Variants in COLEC12 observed in about 807,000 individuals in gnomAD.
The protein encoded by COLEC12 is collectin subfamily member 12, also known as collectin-12.
COLEC12 carries 33 observed loss-of-function variants against 71.1 expected under a neutral mutation model. The ratio of observed to expected loss-of-function variants is 0.46; its 90% CI spans 0.35 to 0.62. The LOEUF (loss-of-function observed/expected upper bound fraction) is 0.62, where lower values mean the gene tolerates loss of function less well. COLEC12 is among the 20% of genes least tolerant of loss of function. The pLI, the probability that COLEC12 is intolerant of heterozygous loss-of-function variation, is 0.00. For missense variants in COLEC12, 765 were observed against 916.1 expected (o/e 0.84, Z 2.13); for synonymous variants, 350 against 353.0 (o/e 0.99, Z 0.10).
intron 2 of COLEC12, among the ~76,000 whole-genome samples, chr18:435,538 A>G (rs1375032919): frequency 6.6e-6 from 1 of 152,212 alleles, no homozygotes; most frequent in Non-Finnish European, 1.5e-5. Flanking sequence ...TGGGGATTAT[A>G]ATTCAAGATG....
intron 2 of COLEC12, among the ~76,000 whole-genome samples, chr18:426,664 T>C (rs28738732): frequency 0.19 from 28,421 of 152,206 alleles, 2,930 homozygotes; most frequent in Middle Eastern, 0.24. Context: ...TCATTTGATA[T>C]AGGTATGAGT....
intron 1 of COLEC12, among the ~76,000 whole-genome samples, chr18:484,464 A>C (rs1023471845): frequency 6.6e-5 from 10 of 152,114 alleles, no homozygotes; most frequent in Admixed American, 4.6e-4. Flanking sequence ...ATCTCATCCA[A>C]CTCTAAAATT....
intron 2 of COLEC12, among the ~76,000 whole-genome samples, chr18:413,588 C>T (rs565303610): frequency 6.6e-6 from 1 of 152,266 alleles, no homozygotes; most frequent in Non-Finnish European, 1.5e-5. Flanking sequence ...CTTTCGGAGG[C>T]CAAGGCAGGA....
intron 2 of COLEC12, among the ~76,000 whole-genome samples, chr18:375,590 T>C (rs896293673): frequency 3.3e-5 from 5 of 152,240 alleles, no homozygotes; most frequent in Non-Finnish European, 5.9e-5. Context: ...CTCAAACTCC[T>C]GGGCTCAAGC....
chr18:335,118 A>G lies in COLEC12; in HGVS notation c.1440T>C (p.Pro480=). 1 of 1,612,516 alleles carries G rather than the reference A, an allele frequency of 6.2e-7. No individual in the cohort carries two copies. The stretch of plus-strand genomic sequence containing the variant: ...GTCCAATTGGGCCTCTCTCACCCGC[A>G]GGGCCAGGTGGTCCAGGCTCCCCCT... ...GEKGEPGPPG[P]AGERGPIGPA... Residue 480 remains proline, a synonymous_variant, in exon 6 of 10, where the codon CCT becomes CCC. Transcript: ENST00000400256.
At position 437,710 on chromosome 18, in the gene COLEC12, T is replaced by C. The variant is rs536657427; in HGVS notation, c.58+42997A>G. On this transcript the variant is annotated intron_variant, in intron 2 of 9. Coordinates refer to ENST00000400256, the MANE Select transcript of COLEC12 (RefSeq NM_130386.3). ...ATGGTGATACTTCACATGACAATAT[T>C]TGAGTTAAATGAAAAGTCTTTGGAG... Among the ~76,000 whole-genome samples the C allele has an allele frequency of 5.3e-5, 8 of 152,342 alleles. No individual in the cohort carries two copies. In the South Asian group the frequency reaches 1.7e-3, roughly 32 times the overall value.
At chr18:320,769 A>G (rs1233987315) in intron 9 of COLEC12, among the ~76,000 whole-genome samples, 1 of 151,584 alleles carries the variant, frequency 6.6e-6, no homozygotes, top group East Asian at 1.9e-4. Flanking sequence ...TCTGTCCCCT[A>G]TCACAAACTT....
intron 2 of COLEC12, among the ~76,000 whole-genome samples, chr18:424,935 TG>T (rs1485961887): frequency 6.6e-6 from 1 of 152,052 alleles, no homozygotes; most frequent in African/African-American, 2.4e-5. Context: ...GGTCACCTCA[TG>T]GGTGTGGGGG....
At position 409,521 on chromosome 18, in the gene COLEC12, G is replaced by A. The variant is rs143871124; in HGVS notation, c.59-51999C>T. On this transcript the variant is annotated intron_variant, in intron 2 of 9. Transcript: ENST00000400256. The stretch of plus-strand genomic sequence containing the variant: ...GCCTGGGCGACAAGAGCAAAGCTCT[G>A]TCTCAAAAAAATAAAAGAAATGTCT... 2.4e-3 allele frequency among the ~76,000 whole-genome samples: 363 copies of A among 152,214 alleles called. 3 individuals are homozygous for A. The highest frequency in any genetic ancestry group is 8.1e-3 in the African/African-American group (337 of 41,554).
intron 2 of COLEC12, among the ~76,000 whole-genome samples, chr18:391,542 A>G (rs1473775552): frequency 6.6e-6 from 1 of 152,138 alleles, no homozygotes; most frequent in Non-Finnish European, 1.5e-5. Flanking sequence ...CTGAGCACCT[A>G]TGGCTCTCTG....
At chr18:366,593 T>C (rs1914860935) in intron 2 of COLEC12, among the ~76,000 whole-genome samples, 1 of 152,228 alleles carries the variant, frequency 6.6e-6, no homozygotes, top group Non-Finnish European at 1.5e-5. Flanking sequence ...TTCTGCTGTG[T>C]TGCGTTTGCA....
rs138536256 is a variant in COLEC12, at chr18:365,497, A to G, written c.59-7975T>C. Among the ~76,000 whole-genome samples, 116 of 152,272 alleles carry G rather than the reference A, an allele frequency of 7.6e-4. 1 individual carries two copies. Among genetic ancestry groups the G allele is most frequent in the African/African-American group, 2.7e-3 (111 of 41,556 alleles). On this transcript the variant is annotated intron_variant, in intron 2 of 9. Transcript: ENST00000400256. ...TTGGTCACCCCATGGTTTTCTTTTG[A>G]AGTTCTAGTATGCTTGAAATGAACC...
At chr18:328,512 A>G (rs1913897210) in intron 8 of COLEC12, among the ~76,000 whole-genome samples, 1 of 152,236 alleles carries the variant, frequency 6.6e-6, no homozygotes, top group South Asian at 2.1e-4. Context: ...TGTAGTATTT[A>G]TCTGCAACTG....
At chr18:340,984 A>G (rs997855230) in intron 5 of COLEC12, among the ~76,000 whole-genome samples, 3 of 152,166 alleles carry the variant, frequency 2.0e-5, no homozygotes, top group African/African-American at 7.2e-5. Context: ...CAGGATCTCC[A>G]GTCATGCCGT....
intron 2 of COLEC12, among the ~76,000 whole-genome samples, chr18:381,790 C>G (rs1598345660): frequency 6.6e-6 from 1 of 152,138 alleles, no homozygotes; most frequent in South Asian, 2.1e-4. Flanking sequence ...AAATTCTGTG[C>G]AGTAGATAAA....
In COLEC12 at chr18:500,697, C is replaced by G. The variant is rs1917809912; in HGVS notation, c.-183G>C. On this transcript the variant is annotated 5_prime_UTR_variant, in exon 1 of 10. Transcript: ENST00000400256. The surrounding 1 kb of genome is among the most constrained non-coding windows in gnomAD (Gnocchi z 5.3). The stretch of plus-strand genomic sequence containing the variant: ...CTCCCCGCGCTCCCGGCTCCGCGCT[C>G]TGCTGCCTCGGGGCTGCCGCGCGCG... 1 of 229,144 alleles carries G rather than the reference C, an allele frequency of 4.4e-6. No individual in the cohort carries two copies. Among genetic ancestry groups the G allele is most frequent in the Admixed American group, 6.3e-5 (1 of 15,920 alleles). 14.2% of individuals were successfully genotyped at this position (229,144 alleles called of 1,614,324 possible). A position where few individuals can be genotyped will look rare whatever the true frequency, so the allele number is the denominator to read the frequency against.
chr18:375,635 C>A (rs1915097522), intron 2 of COLEC12, among the ~76,000 whole-genome samples: 1 of 152,200 alleles, frequency 6.6e-6, no homozygotes, highest in African/African-American at 2.4e-5. Context: ...GTAGGTAGGA[C>A]CACAGGCGTG....
chr18:465,379 G>A (rs900880214), intron 2 of COLEC12, among the ~76,000 whole-genome samples: 14 of 152,174 alleles, frequency 9.2e-5, no homozygotes, highest in Admixed American at 3.3e-4. Flanking sequence ...TGGGATTACA[G>A]GCATGAGCCA....
intron 2 of COLEC12, among the ~76,000 whole-genome samples, chr18:367,130 T>C (rs542827725): frequency 2.0e-5 from 3 of 152,344 alleles, no homozygotes; most frequent in East Asian, 1.9e-4. Context: ...ACTGTAAACC[T>C]GCAATCCAAC....
Sources: gnomAD v4.1 joint callset for allele counts (sites outside exome capture counted in the v4.1 genomes callset) on GRCh38, gnomAD v4.1.1 for gene constraint, Gnocchi (gnomAD v3.1) non-coding constraint, MANE v1.5 for transcripts, NCBI Gene and HGNC (gene_info 2026-07-23, HGNC 2026-07-21) for gene names.